IL7: variants seen among roughly 807,000 people sequenced by gnomAD.
IL7 encodes the protein interleukin 7.
IL7 carries 3 observed loss-of-function variants against 21.6 expected under a neutral mutation model. That is an observed-to-expected ratio of 0.14 (90% CI 0.06 to 0.36). IL7 has a LOEUF of 0.36. IL7 is among the 10% of genes least tolerant of loss of function. IL7 has a pLI of 1.00. For missense variants in IL7, 175 were observed against 200.2 expected, an observed-to-expected ratio of 0.87 and a Z score of 0.76; for synonymous variants, 62 against 68.1, an observed-to-expected ratio of 0.91 and a Z score of 0.44.
At chr8:78,714,430 GTT>G (rs1811036571), downstream of IL7, among the ~76,000 whole-genome samples, 1 of 152,116 alleles carries the variant, frequency 6.6e-6, no homozygotes, top group African/African-American at 2.4e-5. Flanking sequence ...CTATCTAAAT[GTT>G]TATATGAATT....
intron 3 of IL7, chr8:78,698,608 T>C: frequency 2.2e-6 from 2 of 922,312 alleles, no homozygotes; most frequent in South Asian, 4.9e-5. Context: ...TTCATCTTCA[T>C]TTCCTAAGTT....
intron 3 of IL7, among the ~76,000 whole-genome samples, chr8:78,696,109 A>T (rs1810399617): frequency 6.6e-6 from 1 of 151,640 alleles, no homozygotes; most frequent in Admixed American, 6.6e-5. Context: ...ATCTCGGCTC[A>T]CTGCAAGCTC....
intron 2 of IL7, among the ~76,000 whole-genome samples, chr8:78,759,350 G>A (rs1327548098): frequency 6.6e-6 from 1 of 150,422 alleles, no homozygotes; most frequent in Non-Finnish European, 1.5e-5. Context: ...CACTTATTTT[G>A]TAGGTTTTCC....
intron 3 of IL7, among the ~76,000 whole-genome samples, chr8:78,689,027 C>G (rs1810118285): frequency 1.7e-5 from 2 of 120,398 alleles, no homozygotes; most frequent in South Asian, 6.3e-4. Context: ...AGTCATGTAC[C>G]AGCAGACTTT....
intron 2 of IL7, among the ~76,000 whole-genome samples, chr8:78,781,866 A>T (rs569196371): frequency 3.3e-5 from 5 of 152,164 alleles, no homozygotes; most frequent in Non-Finnish European, 7.4e-5. Context: ...AATCAGGCGT[A>T]GGTTTTGTGG....
chr8:78,713,317 TTAA>T (rs879401259), downstream of IL7, among the ~76,000 whole-genome samples: 1 of 152,132 alleles, frequency 6.6e-6, no homozygotes, highest in Non-Finnish European at 1.5e-5. Context: ...TTGGTAGCTA[TTAA>T]TGATGATAAT....
intron 2 of IL7, among the ~76,000 whole-genome samples, chr8:78,748,780 A>G (rs1057241882): frequency 1.3e-5 from 2 of 152,214 alleles, no homozygotes; most frequent in Non-Finnish European, 2.9e-5. Flanking sequence ...GTGGTGGTCC[A>G]TAGTAAATGC....
intron 3 of IL7, among the ~76,000 whole-genome samples, chr8:78,692,014 C>G (rs1037096034): frequency 1.3e-5 from 2 of 152,196 alleles, no homozygotes; most frequent in Non-Finnish European, 2.9e-5. Context: ...ACTATCACCT[C>G]AAGTACTTAC....
chr8:78,696,136 G>A (rs779905002), intron 3 of IL7, among the ~76,000 whole-genome samples: 13 of 151,800 alleles, frequency 8.6e-5, no homozygotes, highest in South Asian at 2.1e-4. Context: ...CTGGGTTCAC[G>A]CCATTCTCCT....
intron 2 of IL7, chr8:78,760,888 G>A: frequency 6.4e-7 from 1 of 1,558,828 alleles, no homozygotes; most frequent in Admixed American, 1.9e-5. Context: ...CTGCAGTCAA[G>A]CTACCGGCTG....
Position 78,777,822 on chromosome 8 carries a change from A to G in IL7, c.147+20250T>C, listed in dbSNP as rs376852035. Among the ~76,000 whole-genome samples, 19 of 152,184 alleles carry G rather than the reference A, an allele frequency of 1.2e-4. 1 individual carries two copies. In the East Asian group the frequency reaches 2.5e-3, roughly 20 times the overall value. ...AATTTATTTTATATGGCGCATATGA[A>G]TTATCTTTCTAAATCCCAGATTTAA... is the stretch of plus-strand genomic sequence containing the variant. On this transcript the variant is annotated intron_variant, in intron 2 of 5. Transcript: ENST00000263851.
intron 2 of IL7, among the ~76,000 whole-genome samples, chr8:78,750,536 G>C (rs1402780796): frequency 6.6e-6 from 1 of 152,148 alleles, no homozygotes; most frequent in Non-Finnish European, 1.5e-5. Flanking sequence ...AAAAGTCTAT[G>C]ATTGAGGCCA....
chr8:78,746,103 T>A (rs1317793645), intron 2 of IL7, among the ~76,000 whole-genome samples: 1 of 152,216 alleles, frequency 6.6e-6, no homozygotes, highest in African/African-American at 2.4e-5. Context: ...AGATTAGAAT[T>A]TTTTTATCTG....
downstream of IL7, among the ~76,000 whole-genome samples, chr8:78,717,093 G>C (rs1811129781): frequency 6.6e-6 from 1 of 152,064 alleles, no homozygotes; most frequent in Non-Finnish European, 1.5e-5. Flanking sequence ...AACACAGAAA[G>C]CATGGCTGCA....
At chr8:78,791,781 T>C (rs1482269973) in intron 2 of IL7, among the ~76,000 whole-genome samples, 2 of 152,084 alleles carry the variant, frequency 1.3e-5, no homozygotes, top group Non-Finnish European at 2.9e-5. Flanking sequence ...CCCCACCACT[T>C]CTCTACAGTC....
At chr8:78,685,363 G>A (rs904119433) in intron 4 of IL7, among the ~76,000 whole-genome samples, 2 of 152,162 alleles carry the variant, frequency 1.3e-5, no homozygotes, top group African/African-American at 4.8e-5. Context: ...GGAAGTTGTA[G>A]AAGGAAGCAT....
intron 4 of IL7, among the ~76,000 whole-genome samples, chr8:78,683,454 C>G (rs1183413896): frequency 6.6e-6 from 1 of 152,224 alleles, no homozygotes; most frequent in African/African-American, 2.4e-5. Context: ...GCTTGCACCT[C>G]TGAAGCCATG....
intron 2 of IL7, among the ~76,000 whole-genome samples, chr8:78,769,010 C>T (rs1176932737): frequency 6.6e-6 from 1 of 152,124 alleles, no homozygotes; most frequent in Non-Finnish European, 1.5e-5. Context: ...CTCTCAATAA[C>T]TTAGGTATTG....
chr8:78,801,550 C>A (rs1226804852), intron 1 of IL7, among the ~76,000 whole-genome samples: 1 of 152,070 alleles, frequency 6.6e-6, no homozygotes, highest in Admixed American at 6.5e-5. Context: ...CCGTGAGCCA[C>A]GATCTACTGA....
Sources: allele counts gnomAD v4.1 joint callset (sites outside exome capture counted in the v4.1 genomes callset), GRCh38; gene constraint gnomAD v4.1.1; transcripts MANE v1.5; gene names NCBI Gene and HGNC (gene_info 2026-07-23, HGNC 2026-07-21).